The following FRMD4A variants were observed in gnomAD, a reference collection of about 807,000 sequenced individuals.
FRMD4A encodes FERM domain-containing protein 4A.
In FRMD4A, 29 loss-of-function variants were observed where a neutral mutation model predicts 129.1. That is an observed-to-expected ratio of 0.22 (90% CI 0.17 to 0.31). The LOEUF (loss-of-function observed/expected upper bound fraction) is 0.31, where lower values mean the gene tolerates loss of function less well. FRMD4A is among the 10% of genes least tolerant of loss of function. The probability of loss-of-function intolerance (pLI) is 1.00; values close to 1 mark genes in which losing one functional copy is unlikely to be tolerated. For synonymous variants in FRMD4A, 634 were observed against 571.6 expected (o/e 1.11, Z -1.56); for missense variants, 1,272 against 1,375.8 (o/e 0.92, Z 1.19).
intron 2 of FRMD4A, among the ~76,000 whole-genome samples, chr10:14,194,612 A>G (rs903403962): frequency 6.6e-6 from 1 of 151,632 alleles, no homozygotes; most frequent in African/African-American, 2.4e-5. Context: ...CTCTGTCTCA[A>G]CAACAACAAC....
rs919440660 is a variant in FRMD4A at position 13,646,496 on chromosome 10, T to A, written c.*542A>T. The A allele has an allele frequency of 2.1e-4, 32 of 152,376 alleles. No homozygotes were observed. The highest frequency in any genetic ancestry group is 7.7e-4 in the African/African-American group (32 of 41,546). The allele number at this position is 152,376 out of a possible 1,614,324, so 9.4% of individuals were successfully genotyped here. Reference sequence around the variant, plus strand: ...AATATGCCACGAGGCCTCCTCTTCATGAAGTGCTTGGTTGGCCTACGTATG... The same window carrying A: ...AATATGCCACGAGGCCTCCTCTTCAAGAAGTGCTTGGTTGGCCTACGTATG... On this transcript the variant is annotated 3_prime_UTR_variant, in exon 25 of 25. Coordinates refer to ENST00000357447, the MANE Select transcript of FRMD4A (RefSeq NM_018027.5).
intron 2 of FRMD4A, among the ~76,000 whole-genome samples, chr10:14,276,369 C>G (rs1455441971): frequency 6.6e-6 from 1 of 152,180 alleles, no homozygotes; most frequent in Non-Finnish European, 1.5e-5. Context: ...GCAACTTCCT[C>G]TGTGTGGCCT....
At chr10:14,225,069 G>A (rs1379927607) in intron 2 of FRMD4A, among the ~76,000 whole-genome samples, 1 of 152,128 alleles carries the variant, frequency 6.6e-6, no homozygotes, top group Non-Finnish European at 1.5e-5. Flanking sequence ...CTGCAAATAA[G>A]CTTGACATTC....
intron 2 of FRMD4A, chr10:13,891,733 C>CG (rs1190917971): frequency 1.8e-5 from 18 of 984,154 alleles, no homozygotes; most frequent in Non-Finnish European, 2.2e-5. Context: ...GCCTACTAGG[C>CG]GGCCTTGGCG....
At chr10:14,128,404 T>C (rs77664800) in intron 2 of FRMD4A, among the ~76,000 whole-genome samples, 3,594 of 152,232 alleles carry the variant, frequency 0.024, 135 homozygotes, top group African/African-American at 0.081. Context: ...CCGCCCAGCA[T>C]ATTTTGCTTT....
chr10:13,897,203 T>A (rs1589204908), intron 2 of FRMD4A, among the ~76,000 whole-genome samples: 1 of 152,366 alleles, frequency 6.6e-6, no homozygotes, highest in South Asian at 2.1e-4. Context: ...TTCGAGACTC[T>A]TTCTGCAAAG....
At chr10:14,072,009 TA>T (rs1354894701) in intron 2 of FRMD4A, among the ~76,000 whole-genome samples, 1 of 152,216 alleles carries the variant, frequency 6.6e-6, no homozygotes, top group Non-Finnish European at 1.5e-5. Context: ...AAGCCTTCAA[TA>T]AATGTTGATA....
intron 2 of FRMD4A, among the ~76,000 whole-genome samples, chr10:14,267,127 TAG>T (rs1283815094): frequency 2.6e-5 from 4 of 152,194 alleles, no homozygotes; most frequent in African/African-American, 7.2e-5. Context: ...ATTCTACAAA[TAG>T]AGTCTATGGC....
chr10:14,294,263 A>G (rs555045252), intron 2 of FRMD4A, among the ~76,000 whole-genome samples: 1 of 152,330 alleles, frequency 6.6e-6, no homozygotes, highest in Non-Finnish European at 1.5e-5. Flanking sequence ...ATTCTTTAAT[A>G]TAAGAAATAG....
chr10:14,067,823 A>G (rs1471485134), intron 2 of FRMD4A, among the ~76,000 whole-genome samples: 2 of 152,206 alleles, frequency 1.3e-5, no homozygotes, highest in Non-Finnish European at 2.9e-5. Context: ...TCTCAAAACA[A>G]AAACAAAAAA....
At chr10:14,277,208 C>A (rs1260888777) in intron 2 of FRMD4A, among the ~76,000 whole-genome samples, 1 of 152,110 alleles carries the variant, frequency 6.6e-6, no homozygotes, top group African/African-American at 2.4e-5. Flanking sequence ...TCAGAAGAAG[C>A]CCTCACAGTA....
intron 2 of FRMD4A, among the ~76,000 whole-genome samples, chr10:14,148,702 C>T (rs1373723422): frequency 6.6e-6 from 1 of 150,928 alleles, no homozygotes; most frequent in African/African-American, 2.4e-5. Context: ...GTGGAGGTTG[C>T]AGTAAGCCGA....
At chr10:13,747,494 A>C (rs1329095148) in intron 9 of FRMD4A, among the ~76,000 whole-genome samples, 4 of 149,930 alleles carry the variant, frequency 2.7e-5, no homozygotes, top group Non-Finnish European at 4.4e-5. Flanking sequence ...ATGCCACTGC[A>C]CTCCAGCCTG....
chr10:13,701,910 G>A (rs2086868722), intron 13 of FRMD4A, among the ~76,000 whole-genome samples: 1 of 152,102 alleles, frequency 6.6e-6, no homozygotes, highest in African/African-American at 2.4e-5. Context: ...AGGCTACAGC[G>A]TCCCAGGGAA....
chr10:14,038,566 G>C (rs180907216), intron 2 of FRMD4A, among the ~76,000 whole-genome samples: 1 of 152,276 alleles, frequency 6.6e-6, no homozygotes, highest in Admixed American at 6.5e-5. Context: ...AAAGACTCAA[G>C]ACCATGACAC....
intron 6 of FRMD4A, 43 bp from the exon 7 acceptor site, chr10:13,762,723 AC>A: frequency 7.7e-7 from 1 of 1,297,620 alleles, no homozygotes; most frequent in Non-Finnish European, 1.1e-6. Flanking sequence ...TTGGTATTTA[AC>A]CACCATTTTT....
chr10:13,726,210 G>A (rs1183645264), intron 12 of FRMD4A, among the ~76,000 whole-genome samples: 1 of 152,164 alleles, frequency 6.6e-6, no homozygotes, highest in African/African-American at 2.4e-5. Flanking sequence ...GGAGGTCAAG[G>A]CTGCAGTGAG....
intron 2 of FRMD4A, among the ~76,000 whole-genome samples, chr10:14,229,959 T>C (rs530654281): frequency 1.3e-5 from 2 of 152,218 alleles, no homozygotes; most frequent in Non-Finnish European, 2.9e-5. Context: ...TCATGCCCTT[T>C]GAGAATTGGT....
At chr10:14,025,472 G>T (rs1832948090) in intron 2 of FRMD4A, among the ~76,000 whole-genome samples, 1 of 152,128 alleles carries the variant, frequency 6.6e-6, no homozygotes. Context: ...TTTCATCAAT[G>T]CTCTTCCTGG....
Sources: allele counts gnomAD v4.1 joint callset (sites outside exome capture counted in the v4.1 genomes callset), GRCh38; gene constraint gnomAD v4.1.1; transcripts MANE v1.5; gene names NCBI Gene and HGNC (gene_info 2026-07-23, HGNC 2026-07-21).